Variants in MTCL1 observed in about 807,000 individuals in gnomAD.
The protein encoded by MTCL1 is microtubule cross-linking factor 1.
Under a neutral mutation model 141.4 loss-of-function variants are expected in MTCL1, and 79 were observed. That is an observed-to-expected ratio of 0.56 (90% CI 0.47 to 0.67). MTCL1 has a LOEUF of 0.67. MTCL1 is among the 30% of genes least tolerant of loss of function. MTCL1 has a pLI of 0.00. For missense variants in MTCL1, 2,177 were observed against 2,113.9 expected, an observed-to-expected ratio of 1.03 and a Z score of -0.59; for synonymous variants, 914 against 875.8, an observed-to-expected ratio of 1.04 and a Z score of -0.77.
chr18:8,812,797 C>T (rs2076531170), intron 11 of MTCL1, 182 bp from the exon 11 acceptor site: 4 of 711,220 alleles, frequency 5.6e-6, no homozygotes, highest in East Asian at 2.9e-5. Context: ...GCTTAACATT[C>T]TTTGTGACTG....
In MTCL1 at chr18:8,732,155, G is replaced by A. The variant is rs554051141; in HGVS notation, c.357+11659G>A. ...CTCGCTCTGTTGCCCAGGGATCATGGCTCACTGCAGCCTTGACCTCTTGGG... is the reference window on the plus strand; with the variant it reads ...CTCGCTCTGTTGCCCAGGGATCATGACTCACTGCAGCCTTGACCTCTTGGG... On this transcript the variant is annotated intron_variant, in intron 4 of 16. Transcript: ENST00000359865. 1.9e-4 allele frequency among the ~76,000 whole-genome samples: 29 copies of A among 152,144 alleles called. 1 individual carries two copies. The highest frequency in any genetic ancestry group is 7.0e-4 in the African/African-American group (29 of 41,506).
At chr18:8,716,998 C>T (rs1394358590), upstream of MTCL1, among the ~76,000 whole-genome samples, 1 of 152,172 alleles carries the variant, frequency 6.6e-6, no homozygotes, top group African/African-American at 2.4e-5. Flanking sequence ...GGCTGCAAGA[C>T]TGGAACAAAG....
chr18:8,801,945 G>A (rs1387974775), intron 10 of MTCL1: 1 of 152,196 alleles, frequency 6.6e-6, no homozygotes, highest in Non-Finnish European at 1.5e-5. Flanking sequence ...TAATTCCCAT[G>A]ATATTAATAG....
At chr18:8,741,014 C>G (rs1049360961) in intron 4 of MTCL1, among the ~76,000 whole-genome samples, 2 of 152,230 alleles carry the variant, frequency 1.3e-5, no homozygotes, top group African/African-American at 4.8e-5. Context: ...TTCCACAAAG[C>G]AACCCTAAAT....
intron 11 of MTCL1, chr18:8,809,593 G>A (rs976410879): frequency 3.9e-6 from 6 of 1,535,764 alleles, no homozygotes; most frequent in Non-Finnish European, 5.2e-6. Context: ...TAAAGCAGCA[G>A]CAGTGGAGAA....
exon 7 of MTCL1, chr18:8,786,016 G>A (rs752018146): frequency 7.6e-5 from 121 of 1,584,032 alleles, no homozygotes; most frequent in East Asian, 3.1e-4. Flanking sequence ...TCCGAGCCGC[G>A]CGGGAGCTGC....
At position 8,792,412 on chromosome 18, in the gene MTCL1, T is replaced by C. The variant is rs549433516; in HGVS notation, c.1888-586T>C. ...ATTCCCTGTAGACAACATGTGCCGT[T>C]GGGAGGCCTGAAGCCGTGCATCTCT... On this transcript the variant is annotated intron_variant, in intron 7 of 16. Coordinates refer to ENST00000359865, the Ensembl canonical transcript of MTCL1. Among the ~76,000 whole-genome samples the C allele has an allele frequency of 3.0e-4, 45 of 152,306 alleles. No homozygotes were observed. The South Asian group carries it at 8.9e-3, about 30-fold the overall frequency.
At chr18:8,726,552 A>T (rs1217475562) in intron 4 of MTCL1, among the ~76,000 whole-genome samples, 1 of 117,530 alleles carries the variant, frequency 8.5e-6, no homozygotes, top group Non-Finnish European at 1.7e-5. Flanking sequence ...CGCGCGCAAC[A>T]AGCAATGTTC....
chr18:8,826,112 C>T (rs2144504055), exon 15 of MTCL1: 1 of 1,612,762 alleles, frequency 6.2e-7, no homozygotes, highest in Admixed American at 1.7e-5. Flanking sequence ...CCCGGATCCT[C>T]AACAAGAAGC....
exon 1 of MTCL1, chr18:8,706,317 C>T (rs1193224053): frequency 1.6e-6 from 2 of 1,230,380 alleles, no homozygotes; most frequent in Admixed American, 4.3e-5. Context: ...CCTCCGAACC[C>T]CTGTCCGACG....
intron 3 of MTCL1, among the ~76,000 whole-genome samples, chr18:8,718,955 T>C (rs1490580516): frequency 6.6e-6 from 1 of 152,102 alleles, no homozygotes; most frequent in Non-Finnish European, 1.5e-5. Context: ...ATCTGAAATA[T>C]TTTTTTTAAA....
chr18:8,735,331 T>G (rs1302660256), intron 4 of MTCL1, among the ~76,000 whole-genome samples: 1 of 152,180 alleles, frequency 6.6e-6, no homozygotes, highest in Non-Finnish European at 1.5e-5. Context: ...TCTTCCCCTT[T>G]AGCTCAGCTA....
chr18:8,829,602 A>G (rs577699919), intron 16 of MTCL1: 60 of 985,406 alleles, frequency 6.1e-5, no homozygotes, highest in African/African-American at 4.5e-4. Flanking sequence ...GTCAAAGCAC[A>G]TGAGAAAAGA....
At chr18:8,818,929 G>A (rs2076750282) in intron 12 of MTCL1, 34 bp from the exon 12 acceptor site, 7 of 1,582,450 alleles carry the variant, frequency 4.4e-6, no homozygotes, top group Non-Finnish European at 5.2e-6. Context: ...ACAGAAAAGT[G>A]AGGCTAATTA....
chr18:8,707,060 C>G (rs2096061999), intron 1 of MTCL1: 1 of 215,902 alleles, frequency 4.6e-6, no homozygotes, highest in South Asian at 8.8e-5. Flanking sequence ...TCAGAACGTG[C>G]CAGCCTCACC....
upstream of MTCL1, among the ~76,000 whole-genome samples, chr18:8,712,979 T>A (rs1158755575): frequency 6.6e-6 from 1 of 152,162 alleles, no homozygotes; most frequent in African/African-American, 2.4e-5. Context: ...TTAACATGAT[T>A]AAGAGTTTTC....
chr18:8,764,476 C>T (rs1395176570), intron 4 of MTCL1, among the ~76,000 whole-genome samples: 1 of 152,014 alleles, frequency 6.6e-6, no homozygotes, highest in Non-Finnish European at 1.5e-5. Flanking sequence ...CACCACACAC[C>T]CGGATAATTT....
At chr18:8,752,810 C>T (rs1236328698) in intron 4 of MTCL1, among the ~76,000 whole-genome samples, 1 of 152,180 alleles carries the variant, frequency 6.6e-6, no homozygotes, top group Non-Finnish European at 1.5e-5. Flanking sequence ...AACAACATAT[C>T]CCCTGCCTCC....
chr18:8,754,345 A>G (rs1487415082), intron 4 of MTCL1, among the ~76,000 whole-genome samples: 2 of 152,196 alleles, frequency 1.3e-5, no homozygotes, highest in Non-Finnish European at 2.9e-5. Flanking sequence ...TGCTGGGATT[A>G]CAGGCGTGAG....
Sources: gnomAD v4.1 joint callset for allele counts (sites outside exome capture counted in the v4.1 genomes callset) on GRCh38, gnomAD v4.1.1 for gene constraint, MANE v1.5 for transcripts, NCBI Gene and HGNC (gene_info 2026-07-23, HGNC 2026-07-21) for gene names.